The following MRTFB variants were observed in gnomAD, a reference collection of about 807,000 sequenced individuals.
MRTFB encodes myocardin-related transcription factor B.
In MRTFB, 29 loss-of-function variants were observed where a neutral mutation model predicts 104.2. The ratio of observed to expected loss-of-function variants is 0.28; its 90% CI spans 0.21 to 0.38. MRTFB has a LOEUF of 0.38. MRTFB is among the 10% of genes least tolerant of loss of function. The pLI, the probability that MRTFB is intolerant of heterozygous loss-of-function variation, is 1.00. For synonymous variants in MRTFB, 535 were observed against 519.5 expected, an observed-to-expected ratio of 1.03 and a Z score of -0.41; for missense variants, 1,270 against 1,341.6, an observed-to-expected ratio of 0.95 and a Z score of 0.83.
At chr16:14,036,755 G>A in the MRTFB span, among the ~76,000 whole-genome samples, 1 of 152,008 alleles carries the variant, frequency 6.6e-6, no homozygotes, top group Admixed American at 6.6e-5. Context: ...GCCTGGGGTA[G>A]GATCTCAGCT....
intron 2 of MRTFB, among the ~76,000 whole-genome samples, chr16:14,088,220 A>G (rs1256801171): frequency 2.0e-5 from 3 of 152,124 alleles, no homozygotes; most frequent in Non-Finnish European, 4.4e-5. Context: ...GCGGAATTTT[A>G]TGGTGGGAAT....
At chr16:14,124,868 G>A (rs560217974) in intron 2 of MRTFB, among the ~76,000 whole-genome samples, 11 of 152,294 alleles carry the variant, frequency 7.2e-5, no homozygotes, top group African/African-American at 2.6e-4. Flanking sequence ...CTACTGATGG[G>A]TAGTAGGTTG....
intron 3 of MRTFB, among the ~76,000 whole-genome samples, chr16:14,165,940 G>A (rs777269849): frequency 3.3e-5 from 5 of 152,144 alleles, no homozygotes; most frequent in African/African-American, 1.2e-4. Context: ...TACTTGAAAC[G>A]ACAAGAGGTA....
intron 8 of MRTFB, among the ~76,000 whole-genome samples, chr16:14,219,716 G>T (rs910885130): frequency 7.9e-5 from 12 of 152,244 alleles, no homozygotes; most frequent in Admixed American, 7.2e-4. Flanking sequence ...GATTTGTTAG[G>T]AGCTATGTCT....
At chr16:14,215,922 A>C (rs557877569) in intron 6 of MRTFB, among the ~76,000 whole-genome samples, 1 of 152,334 alleles carries the variant, frequency 6.6e-6, no homozygotes, top group South Asian at 2.1e-4. Flanking sequence ...TAATTGCCCA[A>C]ACGAATTTGA....
chr16:14,126,701 C>T (rs892656357), intron 2 of MRTFB, among the ~76,000 whole-genome samples: 5 of 152,116 alleles, frequency 3.3e-5, no homozygotes, highest in Admixed American at 1.3e-4. Flanking sequence ...GAAATAAGTA[C>T]GTTTGTCACC....
rs373056998 is a variant in MRTFB at position 14,252,072 on chromosome 16, A to C, written c.2565+49A>C. ...CAGTGACAGTGCCGCAGGGGCATCA[A>C]ATCATTCCAAAGCCTAGTGCTTTGG... On this transcript the variant is annotated intron_variant, in intron 14 of 16. Transcript: ENST00000571589. The C allele has an allele frequency of 3.7e-4, 590 of 1,590,258 alleles. 1 individual carries two copies. The highest frequency in any genetic ancestry group is 4.8e-4 in the Non-Finnish European group (557 of 1,165,454).
intron 2 of MRTFB, among the ~76,000 whole-genome samples, chr16:14,108,970 C>G (rs921462756): frequency 1.3e-5 from 2 of 152,096 alleles, no homozygotes; most frequent in Non-Finnish European, 2.9e-5. Context: ...ATTGTATAAT[C>G]CATTTTAAAC....
intron 3 of MRTFB, among the ~76,000 whole-genome samples, chr16:14,207,592 G>A (rs921322711): frequency 2.0e-5 from 3 of 152,160 alleles, no homozygotes; most frequent in South Asian, 2.1e-4. Flanking sequence ...ACAGGTAGTT[G>A]AAGGTCTTTA....
the MRTFB span, among the ~76,000 whole-genome samples, chr16:14,036,296 T>TTTTATATATATATATATATATATATA: frequency 9.2e-5 from 9 of 98,316 alleles, no homozygotes; most frequent in East Asian, 3.2e-4. Context: ...TTATATATAT[T>TTTTATATATATATATATATATATATA]TATATATATA....
chr16:14,251,763 A>G lies in MRTFB; in HGVS notation c.2404-99A>G, dbSNP rs533468706. ...AGCTATATACTCTGCAGCCCTTTAC[A>G]GAAAAAGTTTGCTGACCCCTGTCCT... On this transcript the variant is annotated intron_variant, in intron 13 of 16. Transcript: ENST00000571589. 9.6e-5 allele frequency: 125 copies of G among 1,299,650 alleles called. No individual in the cohort carries two copies. In the African/African-American group the frequency reaches 1.6e-3, roughly 16 times the overall value. 80.5% of individuals were successfully genotyped at this position (1,299,650 alleles called of 1,614,324 possible).
At chr16:14,092,163 T>C (rs2035115077) in intron 2 of MRTFB, among the ~76,000 whole-genome samples, 1 of 152,140 alleles carries the variant, frequency 6.6e-6, no homozygotes, top group Admixed American at 6.5e-5. Flanking sequence ...ATTGTGTCTG[T>C]GTTACATAGT....
At chr16:14,012,809 C>T in the MRTFB span, among the ~76,000 whole-genome samples, 1 of 152,076 alleles carries the variant, frequency 6.6e-6, no homozygotes, top group Non-Finnish European at 1.5e-5. Context: ...CCTCAGGGTG[C>T]CTAAAATGTC....
chr16:14,216,926 CAAAGT>C (rs1329658648), intron 6 of MRTFB, among the ~76,000 whole-genome samples, 195 bp from the exon 7 acceptor site: 1 of 152,140 alleles, frequency 6.6e-6, no homozygotes, highest in Admixed American at 6.6e-5. Flanking sequence ...ATTACATAGA[CAAAGT>C]AAAGCTATCC....
chr16:14,190,327 C>T (rs2040123332), intron 3 of MRTFB, among the ~76,000 whole-genome samples: 2 of 152,198 alleles, frequency 1.3e-5, no homozygotes, highest in African/African-American at 4.8e-5. Flanking sequence ...TCTGATTACA[C>T]TCAACATACA....
In MRTFB at chr16:14,168,398, T is replaced by G. The variant is rs532824799; in HGVS notation, c.154+27638T>G. Among the ~76,000 whole-genome samples, 16 of 152,334 alleles carry G rather than the reference T, an allele frequency of 1.1e-4. No individual in the cohort carries two copies. In the South Asian group the frequency reaches 3.3e-3, roughly 32 times the overall value. ...TTCTTTCTGCTCTTTCGCAATCATT[T>G]TCTACCCTAGCCCCTCTGAGACAGC... On this transcript the variant is annotated intron_variant, in intron 3 of 16. Transcript: ENST00000571589.
At chr16:14,152,725 A>G (rs1233744849) in intron 3 of MRTFB, 1 of 152,174 alleles carries the variant, frequency 6.6e-6, no homozygotes, top group African/African-American at 2.4e-5. Flanking sequence ...AGTGGCATGT[A>G]TGAAATTCCA....
chr16:14,240,339 G>C lies in MRTFB; in HGVS notation c.934G>C (p.Asp312His), dbSNP rs755314381. 3.7e-6 allele frequency: 6 copies of C among 1,614,164 alleles called. No individual in the cohort carries two copies. The highest frequency in any genetic ancestry group is 3.3e-5 in the South Asian group (3 of 91,084). ...AAAGTACCACCAATACATTCCACCA[G>C]ATCAGAAGGGTGAGAAGAATGAGCC... ...KLKYHQYIPP[D>H]QKGEKNEPQM... The change falls in exon 10 of 17, where the codon GAT (aspartate) becomes CAT (histidine). Residue 312 changes from aspartate to histidine, a missense_variant. This residue lies in a region of MRTFB where 1,144 missense variants were observed against 1,131.5 expected (regional missense o/e 1.01). Transcript: ENST00000571589.
At chr16:14,099,382 G>GT (rs151000122) in intron 2 of MRTFB, among the ~76,000 whole-genome samples, 21,127 of 137,042 alleles carry the variant, frequency 0.15, 3,680 homozygotes, top group African/African-American at 0.43. Flanking sequence ...TTTTTGGTGG[G>GT]TTTTTTTTTT....
Sources: allele counts gnomAD v4.1 joint callset (sites outside exome capture counted in the v4.1 genomes callset), GRCh38; gene constraint gnomAD v4.1.1; regional missense constraint gnomAD v4.1.1; transcripts MANE v1.5; gene names NCBI Gene and HGNC (gene_info 2026-07-23, HGNC 2026-07-21).